The following LRRC4C variants were observed in gnomAD, a reference collection of about 807,000 sequenced individuals.
The protein encoded by LRRC4C is leucine rich repeat containing 4C.
In LRRC4C, 5 loss-of-function variants were observed where a neutral mutation model predicts 33.6. The ratio of observed to expected loss-of-function variants is 0.15; its 90% confidence interval spans 0.08 to 0.31. The LOEUF (loss-of-function observed/expected upper bound fraction) is 0.31, where lower values mean the gene tolerates loss of function less well. LRRC4C is among the 10% of genes least tolerant of loss of function. The probability of loss-of-function intolerance (pLI) is 1.00; values close to 1 mark genes in which losing one functional copy is unlikely to be tolerated. For synonymous variants in LRRC4C, 329 were observed against 302.0 expected, an observed-to-expected ratio of 1.09 and a Z score of -0.93; for missense variants, 560 against 796.7, an observed-to-expected ratio of 0.70 and a Z score of 3.58.
intron 2 of LRRC4C, among the ~76,000 whole-genome samples, chr11:40,921,327 CATT>C (rs1046635267): frequency 1.5e-4 from 23 of 152,170 alleles, no homozygotes; most frequent in African/African-American, 5.5e-4. Flanking sequence ...CTAAATCTGT[CATT>C]ATTAATTTTT....
chr11:40,403,719 C>A (rs1020044136), intron 3 of LRRC4C, among the ~76,000 whole-genome samples: 1 of 152,080 alleles, frequency 6.6e-6, no homozygotes, highest in African/African-American at 2.4e-5. Context: ...TTTGTTTATA[C>A]CACCAGAAAC....
intron 3 of LRRC4C, among the ~76,000 whole-genome samples, chr11:40,529,624 G>A (rs1956193701): frequency 6.6e-6 from 1 of 152,162 alleles, no homozygotes; most frequent in African/African-American, 2.4e-5. Context: ...TGTTGAATAA[G>A]TAGATCAATG....
chr11:40,736,602 ATGG>A (rs1336362893), intron 2 of LRRC4C, among the ~76,000 whole-genome samples: 1 of 152,134 alleles, frequency 6.6e-6, no homozygotes, highest in East Asian at 1.9e-4. Context: ...ATCTTCCACA[ATGG>A]TTGAATTAAT....
At chr11:40,389,544 G>A (rs1949257297) in intron 3 of LRRC4C, among the ~76,000 whole-genome samples, 1 of 151,998 alleles carries the variant, frequency 6.6e-6, no homozygotes, top group Non-Finnish European at 1.5e-5. Context: ...AAACTAGGAG[G>A]TTAATTTATT....
At chr11:40,726,884 G>A (rs1947312507) in intron 2 of LRRC4C, among the ~76,000 whole-genome samples, 1 of 151,706 alleles carries the variant, frequency 6.6e-6, no homozygotes, top group Non-Finnish European at 1.5e-5. Context: ...AGGCTCCTCG[G>A]CCTGATAAAT....
intron 3 of LRRC4C, among the ~76,000 whole-genome samples, chr11:40,382,157 T>G (rs1396992044): frequency 1.6e-5 from 2 of 122,928 alleles, no homozygotes; most frequent in East Asian, 2.4e-4. Context: ...TTTTTTTTTG[T>G]ATTTCTAGTA....
chr11:40,625,373 A>AT (rs939589384), intron 3 of LRRC4C, among the ~76,000 whole-genome samples: 7 of 152,204 alleles, frequency 4.6e-5, no homozygotes, highest in African/African-American at 1.7e-4. Flanking sequence ...CCTCACTAAC[A>AT]TAAGGGAAGG....
rs77818729 is a variant in LRRC4C, at chr11:40,281,260, A to T, written c.-176+38368T>A. ...GTGGCTTCTGACTTTTTGCCTTTTC[A>T]GTTAGTAAAAATCGGAGTCCTCTAG... On this transcript the variant is annotated intron_variant, in intron 4 of 6. Coordinates refer to ENST00000528697, the MANE Select transcript of LRRC4C (RefSeq NM_001258419.2). Among the ~76,000 whole-genome samples, 9 of 152,132 alleles carry T rather than the reference A, an allele frequency of 5.9e-5. No homozygotes were observed. In the East Asian group the frequency reaches 1.5e-3, roughly 26 times the overall value.
chr11:40,660,865 AAAG>A (rs1943397156), intron 2 of LRRC4C, among the ~76,000 whole-genome samples: 8 of 152,190 alleles, frequency 5.3e-5, no homozygotes, highest in Admixed American at 5.2e-4. Context: ...CACTAATATT[AAAG>A]ATGAAATCTT....
At position 40,670,749 on chromosome 11, in the gene LRRC4C, T is replaced by C. The variant is rs140831804; in HGVS notation, c.-406-22471A>G. Reference sequence around the variant, plus strand: ...GAATTCGGCCAGTGAAGAAGAACTTTTTGTTTGTTTGTTTGTTTTTGTTTT... The same window carrying C: ...GAATTCGGCCAGTGAAGAAGAACTTCTTGTTTGTTTGTTTGTTTTTGTTTT... On this transcript the variant is annotated intron_variant, in intron 2 of 6. Coordinates refer to ENST00000528697, the MANE Select transcript of LRRC4C (RefSeq NM_001258419.2). 4.3e-3 allele frequency among the ~76,000 whole-genome samples: 647 copies of C among 152,150 alleles called. 4 individuals are homozygous for C. Among genetic ancestry groups the C allele is most frequent in the African/African-American group, 0.014 (582 of 41,512 alleles).
intron 3 of LRRC4C, among the ~76,000 whole-genome samples, chr11:40,348,272 T>TA (rs71060953): frequency 0.28 from 41,375 of 146,236 alleles, 6,103 homozygotes; most frequent in East Asian, 0.48. Context: ...TTCAATTTGT[T>TA]AAAAAAAAAA....
intron 2 of LRRC4C, among the ~76,000 whole-genome samples, chr11:40,703,662 G>C (rs567685186): frequency 7.9e-5 from 12 of 152,218 alleles, no homozygotes; most frequent in African/African-American, 2.9e-4. Flanking sequence ...TTGTATTTAA[G>C]GCAAACTCCA....
At chr11:41,256,528 G>A (rs1948806027) in intron 1 of LRRC4C, among the ~76,000 whole-genome samples, 1 of 151,996 alleles carries the variant, frequency 6.6e-6, no homozygotes. Flanking sequence ...AAAAAGGAAA[G>A]TGGTTACAGC....
At chr11:40,293,629 A>G (rs1160698413) in intron 4 of LRRC4C, 1 of 152,386 alleles carries the variant, frequency 6.6e-6, no homozygotes, top group Non-Finnish European at 1.5e-5. Context: ...AAGAAAAAGA[A>G]GAAAAAAAGA....
At chr11:40,922,338 A>G (rs1957217676) in intron 2 of LRRC4C, among the ~76,000 whole-genome samples, 1 of 152,204 alleles carries the variant, frequency 6.6e-6, no homozygotes, top group Admixed American at 6.6e-5. Flanking sequence ...CCCCTGAAGT[A>G]ACATTAAATA....
intron 2 of LRRC4C, among the ~76,000 whole-genome samples, chr11:40,702,630 G>A (rs1454981845): frequency 6.6e-6 from 1 of 151,908 alleles, no homozygotes; most frequent in Non-Finnish European, 1.5e-5. Context: ...TTTTGTCTTG[G>A]CCAAGCTGAT....
At chr11:41,043,766 G>A (rs901976153) in intron 1 of LRRC4C, among the ~76,000 whole-genome samples, 1 of 151,604 alleles carries the variant, frequency 6.6e-6, no homozygotes, top group African/African-American at 2.4e-5. Context: ...GATTTAAAAG[G>A]CAAAACCATA....
Position 40,488,089 on chromosome 11 carries a change from A to T in LRRC4C, c.-270+160053T>A, listed in dbSNP as rs191067903. On this transcript the variant is annotated intron_variant, in intron 3 of 6. Coordinates refer to ENST00000528697, the MANE Select transcript of LRRC4C (RefSeq NM_001258419.2). ...AACTGAGATCTTTCAGATTTCAAAGACTACACAGAATTTTAGCTGTAACAC... is the reference window on the plus strand; with the variant it reads ...AACTGAGATCTTTCAGATTTCAAAGTCTACACAGAATTTTAGCTGTAACAC... 1.2e-3 allele frequency among the ~76,000 whole-genome samples: 190 copies of T among 152,226 alleles called. 2 individuals carry two copies. The highest frequency in any genetic ancestry group is 1.4e-3 in the Non-Finnish European group (98 of 67,994).
At chr11:40,316,920 A>C (rs1284011320) in intron 4 of LRRC4C, among the ~76,000 whole-genome samples, 1 of 101,338 alleles carries the variant, frequency 9.9e-6, no homozygotes, top group Non-Finnish European at 2.0e-5. Flanking sequence ...TTTTTAAAAA[A>C]ATTTAGTTCC....
Sources: allele counts gnomAD v4.1 joint callset (sites outside exome capture counted in the v4.1 genomes callset), GRCh38; gene constraint gnomAD v4.1.1; transcripts MANE v1.5; gene names NCBI Gene and HGNC (gene_info 2026-07-23, HGNC 2026-07-21).